Variants in CRPPA observed in about 807,000 individuals in gnomAD.
CRPPA encodes the protein CDP-L-ribitol pyrophosphorylase A.
Under a neutral mutation model 52.0 loss-of-function variants are expected in CRPPA, and 43 were observed. That is an observed-to-expected ratio of 0.83 (90% CI 0.65 to 1.07). The LOEUF is 1.07. Ranked by LOEUF, CRPPA falls within the 50% of genes least tolerant of loss-of-function variation. CRPPA has a pLI of 0.00. For missense variants in CRPPA, 629 were observed against 551.7 expected, an observed-to-expected ratio of 1.14 and a Z score of -1.40; for synonymous variants, 250 against 203.5, an observed-to-expected ratio of 1.23 and a Z score of -1.94.
chr7:16,353,429 A>C (rs1251695441), intron 3 of CRPPA, among the ~76,000 whole-genome samples: 1 of 152,186 alleles, frequency 6.6e-6, no homozygotes, highest in African/African-American at 2.4e-5. Context: ...AGAGGCTGGA[A>C]GGGTGAGATG....
At chr7:16,377,150 G>A (rs1786913117) in intron 2 of CRPPA, among the ~76,000 whole-genome samples, 1 of 152,158 alleles carries the variant, frequency 6.6e-6, no homozygotes, top group Non-Finnish European at 1.5e-5. Context: ...GTTTGCAAAA[G>A]CCAAGGGACT....
intron 9 of CRPPA, among the ~76,000 whole-genome samples, chr7:16,201,553 T>C (rs1781857621): frequency 6.6e-6 from 1 of 152,186 alleles, no homozygotes; most frequent in South Asian, 2.1e-4. Flanking sequence ...TCGAGAGCTT[T>C]TCTTTCACTC....
chr7:16,411,543 A>C (rs997129528), intron 1 of CRPPA, among the ~76,000 whole-genome samples: 5 of 151,682 alleles, frequency 3.3e-5, no homozygotes, highest in Admixed American at 3.3e-4. Flanking sequence ...AACAAACATC[A>C]AGTATGTATC....
At chr7:16,390,936 G>A (rs948779126) in intron 2 of CRPPA, among the ~76,000 whole-genome samples, 4 of 152,142 alleles carry the variant, frequency 2.6e-5, no homozygotes, top group African/African-American at 7.2e-5. Context: ...GAGCCTAGTC[G>A]AAGTCAATGG....
chr7:16,245,304 CTT>C (rs1392822195), intron 8 of CRPPA, among the ~76,000 whole-genome samples: 2 of 152,180 alleles, frequency 1.3e-5, no homozygotes, highest in Non-Finnish European at 2.9e-5. Flanking sequence ...TCATTTTACT[CTT>C]TTATAATTAT....
At chr7:16,182,558 A>C (rs1380572083) in intron 9 of CRPPA, among the ~76,000 whole-genome samples, 1 of 152,168 alleles carries the variant, frequency 6.6e-6, no homozygotes, top group Non-Finnish European at 1.5e-5. Context: ...TGTTAACCTC[A>C]ACAAAATCAG....
chr7:16,336,319 C>G (rs369114852), intron 3 of CRPPA, among the ~76,000 whole-genome samples: 2 of 151,910 alleles, frequency 1.3e-5, no homozygotes, highest in African/African-American at 4.8e-5. Context: ...TTAAGAGATA[C>G]AAATTATTCT....
chr7:16,176,390 T>C (rs369099817), intron 9 of CRPPA, among the ~76,000 whole-genome samples: 2 of 152,204 alleles, frequency 1.3e-5, no homozygotes, highest in East Asian at 3.9e-4. Flanking sequence ...CCAAAGTAGC[T>C]ACATAGATAG....
At chr7:16,113,543 A>C (rs1490044375) in intron 9 of CRPPA, among the ~76,000 whole-genome samples, 1 of 152,126 alleles carries the variant, frequency 6.6e-6, no homozygotes, top group Non-Finnish European at 1.5e-5. Context: ...AAGTAGAGAC[A>C]ATCTTAAAGC....
chr7:16,207,450 A>G (rs187938628), intron 9 of CRPPA, among the ~76,000 whole-genome samples: 29 of 152,272 alleles, frequency 1.9e-4, no homozygotes, highest in African/African-American at 6.3e-4. Flanking sequence ...ATGCTCTCCA[A>G]TGGATTCCGT....
chr7:16,324,030 T>C (rs145547206), intron 3 of CRPPA, among the ~76,000 whole-genome samples: 3 of 152,298 alleles, frequency 2.0e-5, no homozygotes, highest in East Asian at 1.9e-4. Context: ...GCAGAGAAGA[T>C]GTCCATGCAC....
In CRPPA at chr7:16,421,208, C is replaced by G. The variant is rs889946627; in HGVS notation, c.115G>C (p.Glu39Gln). 1.5e-6 allele frequency: 2 copies of G among 1,341,346 alleles called. No individual in the cohort carries two copies. Among genetic ancestry groups the G allele is most frequent in the Non-Finnish European group, 1.9e-6 (2 of 1,039,738 alleles). The allele number at this position is 1,341,346 out of a possible 1,614,324, so 83.1% of individuals were successfully genotyped here. Residue 39 changes from glutamate (E) to glutamine (Q), a missense_variant, in exon 1 of 10, where the codon GAG (glutamate) becomes CAG (glutamine). By Grantham distance (29) the Glu-to-Gln change is conservative. Coordinates refer to ENST00000407010, the MANE Select transcript of CRPPA (RefSeq NM_001101426.4). ...SASLQSVAGT[E>Q]PGRHPQAVAA... ...ACGGCTTGCGGGTGGCGCCCGGGCTCGGTCCCGGCCACGCTCTGCAGGGAG... is the reference window on the plus strand; with the variant it reads ...ACGGCTTGCGGGTGGCGCCCGGGCTGGGTCCCGGCCACGCTCTGCAGGGAG...
intron 8 of CRPPA, among the ~76,000 whole-genome samples, chr7:16,229,627 A>C (rs56024841): frequency 0.37 from 55,944 of 151,936 alleles, 10,870 homozygotes; most frequent in Admixed American, 0.46. Flanking sequence ...ACTATTTTTA[A>C]TAGGTTTGCC....
chr7:16,315,118 TGA>T (rs1785117995), intron 3 of CRPPA, among the ~76,000 whole-genome samples: 1 of 152,174 alleles, frequency 6.6e-6, no homozygotes, highest in Admixed American at 6.5e-5. Context: ...ATACTCAAGC[TGA>T]GATAGTCTTT....
At chr7:16,271,546 A>G (rs565095292) in intron 6 of CRPPA, among the ~76,000 whole-genome samples, 51 of 152,136 alleles carry the variant, frequency 3.4e-4, no homozygotes, top group Non-Finnish European at 5.9e-4. Context: ...CTCCATTTGC[A>G]TCTCCAACCA....
At chr7:16,393,591 T>C (rs1037685553) in intron 2 of CRPPA, among the ~76,000 whole-genome samples, 1 of 152,132 alleles carries the variant, frequency 6.6e-6, no homozygotes, top group African/African-American at 2.4e-5. Flanking sequence ...GAAAGAGATA[T>C]CCATGTAAAA....
chr7:16,380,468 CT>C (rs1340844360), intron 2 of CRPPA, among the ~76,000 whole-genome samples: 1 of 152,138 alleles, frequency 6.6e-6, no homozygotes, highest in African/African-American at 2.4e-5. Flanking sequence ...AGTTGTGTCT[CT>C]GCCCGGCTTT....
rs1431863345 is a variant in CRPPA at position 16,221,901 on chromosome 7, A to G, written c.1120-5704T>C. On this transcript the variant is annotated intron_variant, in intron 8 of 9. Coordinates refer to ENST00000407010, the MANE Select transcript of CRPPA (RefSeq NM_001101426.4). ...AAGTCAGTGTGGCGATTCCTCAGGG[A>G]TCTAGAACTAGAAATACCATTTGAC... Among the ~76,000 whole-genome samples, 13 of 151,142 alleles carry G rather than the reference A, an allele frequency of 8.6e-5. No individual in the cohort carries two copies. The South Asian group carries it at 2.8e-3, about 33-fold the overall frequency.
chr7:16,303,819 T>G (rs1784846960), intron 4 of CRPPA, among the ~76,000 whole-genome samples: 2 of 152,188 alleles, frequency 1.3e-5, no homozygotes, highest in Non-Finnish European at 2.9e-5. Context: ...TTTAAACAGA[T>G]GCTGAAATAC....
Sources: gnomAD v4.1 joint callset for allele counts (sites outside exome capture counted in the v4.1 genomes callset) on GRCh38, gnomAD v4.1.1 for gene constraint, MANE v1.5 for transcripts, NCBI Gene and HGNC (gene_info 2026-07-23, HGNC 2026-07-21) for gene names.